The following EPB41L2 variants were observed in gnomAD, a reference collection of about 807,000 sequenced individuals.
The protein encoded by EPB41L2 is erythrocyte membrane protein band 4.1 like 2, also known as band 4.1-like protein 2.
In EPB41L2, 43 loss-of-function variants were observed where a neutral mutation model predicts 113.0. The observed-to-expected ratio is 0.38, with a 90% confidence interval of 0.30 to 0.49. The LOEUF (loss-of-function observed/expected upper bound fraction) is 0.49, where lower values mean the gene tolerates loss of function less well. Ranked by LOEUF, EPB41L2 falls within the 20% of genes least tolerant of loss-of-function variation. The probability of loss-of-function intolerance (pLI) is 0.95; values close to 1 mark genes in which losing one functional copy is unlikely to be tolerated. For missense variants in EPB41L2, 1,147 were observed against 1,223.4 expected, an observed-to-expected ratio of 0.94 and a Z score of 0.93; for synonymous variants, 442 against 436.7, an observed-to-expected ratio of 1.01 and a Z score of -0.15.
chr6:131,057,123 A>G (rs372519582), intron 1 of EPB41L2, among the ~76,000 whole-genome samples: 15 of 152,218 alleles, frequency 9.9e-5, no homozygotes, highest in African/African-American at 3.6e-4. Context: ...AATCTCGAAA[A>G]TAAGAACTGA....
chr6:130,940,731 A>C (rs963418271), intron 3 of EPB41L2, among the ~76,000 whole-genome samples: 1 of 152,078 alleles, frequency 6.6e-6, no homozygotes, highest in African/African-American at 2.4e-5. Context: ...GGCCTCCCAA[A>C]GTCCTGGGAT....
chr6:130,870,488 T>G (rs1188390585), intron 14 of EPB41L2: 1 of 1,192,760 alleles, frequency 8.4e-7, no homozygotes, highest in Non-Finnish European at 1.2e-6. Flanking sequence ...AGAATCAACA[T>G]CTACAGAAAC....
At chr6:131,018,716 T>C (rs1788788721) in intron 1 of EPB41L2, among the ~76,000 whole-genome samples, 1 of 152,226 alleles carries the variant, frequency 6.6e-6, no homozygotes, top group Non-Finnish European at 1.5e-5. Context: ...GCATTTTGTA[T>C]ATGGTATGAA....
At chr6:131,031,530 C>G (rs1183591626) in intron 1 of EPB41L2, among the ~76,000 whole-genome samples, 2 of 152,198 alleles carry the variant, frequency 1.3e-5, no homozygotes, top group East Asian at 3.9e-4. Flanking sequence ...TAAATTAAAT[C>G]CAACTCCTAG....
chr6:130,894,386 T>C lies in EPB41L2; in HGVS notation c.1445A>G (p.Lys482Arg). The C allele has an allele frequency of 6.2e-7, 1 of 1,613,920 alleles. No homozygotes were observed. Among genetic ancestry groups the C allele is most frequent in the South Asian group, 1.1e-5 (1 of 91,074 alleles). The change falls in exon 10 of 20, where the codon AAA (lysine) becomes AGA (arginine). Residue 482 changes from lysine to arginine, a missense_variant. Coordinates refer to ENST00000337057, the MANE Select transcript of EPB41L2 (RefSeq NM_001431.4). The stretch of plus-strand genomic sequence containing the variant: ...CTCCACGCACACTTTCCATAGTCTT[T>C]TCGCTGCCCGGTGGTTTGGCAGTTT... Reference protein sequence around the residue: ...GFKLPNHRAAKRLWKVCVEHH... With the variant: ...GFKLPNHRAARRLWKVCVEHH...
At chr6:130,879,914 A>G (rs1013778441) in intron 13 of EPB41L2, among the ~76,000 whole-genome samples, 1 of 152,214 alleles carries the variant, frequency 6.6e-6, no homozygotes, top group Non-Finnish European at 1.5e-5. Context: ...TCATTTGACT[A>G]AACTTTTTTT....
intron 1 of EPB41L2, among the ~76,000 whole-genome samples, chr6:131,023,684 C>G (rs1584592996): frequency 1.4e-5 from 2 of 146,768 alleles, no homozygotes; most frequent in African/African-American, 5.1e-5. Flanking sequence ...GACTTCGTCT[C>G]AAAAACAGAA....
At chr6:130,974,700 CTT>C (rs1250870268) in intron 1 of EPB41L2, among the ~76,000 whole-genome samples, 17 of 96,326 alleles carry the variant, frequency 1.8e-4, no homozygotes, top group South Asian at 3.5e-4. Context: ...AAGGCAGCCT[CTT>C]TTTTCTTTTC....
At chr6:130,951,449 C>A (rs905447399) in intron 3 of EPB41L2, among the ~76,000 whole-genome samples, 1 of 150,662 alleles carries the variant, frequency 6.6e-6, no homozygotes, top group Non-Finnish European at 1.5e-5. Context: ...CTCAGTCTCC[C>A]CAGTAGCTGG....
intron 1 of EPB41L2, chr6:131,014,198 C>T (rs574978444): frequency 6.6e-6 from 1 of 152,254 alleles, no homozygotes; most frequent in South Asian, 2.1e-4. Context: ...GTTCTTCTCA[C>T]ATTTCTTATT....
chr6:130,955,144 C>CACTTT lies in EPB41L2; in HGVS notation c.661_665dup (p.Thr223LysfsTer2). 1.2e-6 allele frequency: 2 copies of CACTTT among 1,614,146 alleles called. No homozygotes were observed. The highest frequency in any genetic ancestry group is 1.7e-6 in the Non-Finnish European group (2 of 1,180,008). Reference sequence around the variant, plus strand: ...TGTATTCGGTGCCATCTAAGAGGGTCACTTTACACTGGACAGTTTTGGTCT... The same window carrying CACTTT: ...TGTATTCGGTGCCATCTAAGAGGGTCACTTTACTTTACACTGGACAGTTTTGGTCT... On this transcript the variant is annotated frameshift_variant, in exon 3 of 20. Transcript: ENST00000337057. LOFTEE classifies it high-confidence loss of function.
intron 3 of EPB41L2, among the ~76,000 whole-genome samples, chr6:130,947,650 A>G (rs1216826873): frequency 3.3e-5 from 5 of 152,144 alleles, no homozygotes; most frequent in Non-Finnish European, 4.4e-5. Flanking sequence ...CAGCATCAGC[A>G]TATCATCCAA....
At chr6:130,925,532 T>C (rs1049745324) in intron 4 of EPB41L2, among the ~76,000 whole-genome samples, 4 of 152,194 alleles carry the variant, frequency 2.6e-5, no homozygotes, top group Admixed American at 2.6e-4. Context: ...TAAGAGAACA[T>C]GTTATTCTAC....
intron 14 of EPB41L2, chr6:130,870,483 C>A: frequency 8.2e-7 from 1 of 1,218,168 alleles, no homozygotes; most frequent in Non-Finnish European, 1.2e-6. Flanking sequence ...CAGCAAGAAT[C>A]AACATCTACA....
chr6:130,967,363 T>G lies in EPB41L2; in HGVS notation c.-14-10864A>C, dbSNP rs1250962534. On this transcript the variant is annotated intron_variant, in intron 1 of 19. Coordinates refer to ENST00000337057, the MANE Select transcript of EPB41L2 (RefSeq NM_001431.4). Reference sequence around the variant, plus strand: ...GGGCTCATGTTGTTCAAGAGTCAATTACAGTTCCTGAGAAAACGTTGCTTG... The same window carrying G: ...GGGCTCATGTTGTTCAAGAGTCAATGACAGTTCCTGAGAAAACGTTGCTTG... 2.0e-5 allele frequency among the ~76,000 whole-genome samples: 3 copies of G among 152,160 alleles called. No individual in the cohort carries two copies. The East Asian group carries it at 5.8e-4, about 29-fold the overall frequency.
intron 5 of EPB41L2, among the ~76,000 whole-genome samples, chr6:130,905,665 C>G (rs533070261): frequency 3.9e-5 from 6 of 152,240 alleles, no homozygotes; most frequent in African/African-American, 1.4e-4. Flanking sequence ...AGCAATCTCC[C>G]GGCCTCAGCC....
intron 11 of EPB41L2, among the ~76,000 whole-genome samples, chr6:130,888,004 T>C (rs889360601): frequency 2.0e-5 from 3 of 152,234 alleles, no homozygotes; most frequent in Non-Finnish European, 4.4e-5. Flanking sequence ...TCACTTGCTA[T>C]GTAATCATAA....
At position 130,876,834 on chromosome 6, in the gene EPB41L2, C is replaced by T. The variant is rs1787725432; in HGVS notation, c.2043+1270G>A. 8.3e-6 allele frequency: 9 copies of T among 1,081,898 alleles called. No homozygotes were observed. In the South Asian group the frequency reaches 1.1e-4, roughly 13 times the overall value. The allele number at this position is 1,081,898 out of a possible 1,614,324, so 67.0% of individuals were successfully genotyped here. A position where few individuals can be genotyped will look rare whatever the true frequency, so the allele number is the denominator to read the frequency against. On this transcript the variant is annotated intron_variant, in intron 14 of 19. Transcript: ENST00000337057. ...TAAGACACATACATTACACCTATAG[C>T]AACACAAACACAAAATACTGACCCA...
At position 131,001,954 on chromosome 6, in the gene EPB41L2, A is replaced by T. The variant is rs139891843; in HGVS notation, c.-14-45455T>A. Among the ~76,000 whole-genome samples the T allele has an allele frequency of 3.3e-3, 498 of 152,338 alleles. 1 individual carries two copies. The highest frequency in any genetic ancestry group is 0.012 in the African/African-American group (483 of 41,582). On this transcript the variant is annotated intron_variant, in intron 1 of 19. Transcript: ENST00000337057. ...AAGATTTCTGTGGAAGAATATTTCCAAGCAAAACAAAAACTAATGATTCTC... is the reference window on the plus strand; with the variant it reads ...AAGATTTCTGTGGAAGAATATTTCCTAGCAAAACAAAAACTAATGATTCTC...
Sources: allele counts gnomAD v4.1 joint callset (sites outside exome capture counted in the v4.1 genomes callset), GRCh38; gene constraint gnomAD v4.1.1; transcripts MANE v1.5; gene names NCBI Gene and HGNC (gene_info 2026-07-23, HGNC 2026-07-21).